The following SRGAP2C variants were observed in gnomAD, a reference collection of about 807,000 sequenced individuals.
SRGAP2C encodes SLIT-ROBO Rho GTPase-activating protein 2C.
Under a neutral mutation model 25.1 loss-of-function variants are expected in SRGAP2C, and 15 were observed. The observed-to-expected ratio is 0.60, with a 90% confidence interval of 0.40 to 0.92. The LOEUF (loss-of-function observed/expected upper bound fraction) is 0.92. Ranked by LOEUF, SRGAP2C falls within the 40% of genes least tolerant of loss-of-function variation. The pLI is 0.00. For missense variants in SRGAP2C, 144 were observed against 264.4 expected, an observed-to-expected ratio of 0.54 and a Z score of 3.16; for synonymous variants, 44 against 96.6, an observed-to-expected ratio of 0.46 and a Z score of 3.19.
At chr1:121,219,372 C>A (rs1243457794) in intron 2 of SRGAP2C, among the ~76,000 whole-genome samples, 1 of 85,514 alleles carries the variant, frequency 1.2e-5, no homozygotes, top group Non-Finnish European at 2.2e-5. Context: ...TATCTTAGCA[C>A]CTGTTATCAT....
At chr1:121,385,064 G>A (rs1378606906) in intron 8 of SRGAP2C, among the ~76,000 whole-genome samples, 3 of 151,632 alleles carry the variant, frequency 2.0e-5, no homozygotes, top group Non-Finnish European at 1.5e-5. Context: ...GTCATTCTTG[G>A]CCTCTGCAGC....
At chr1:121,272,548 G>C (rs1421072984) in intron 2 of SRGAP2C, among the ~76,000 whole-genome samples, 1 of 151,872 alleles carries the variant, frequency 6.6e-6, no homozygotes, top group East Asian at 1.9e-4. Context: ...TCAGAGTTAA[G>C]ACAGCGAGAA....
chr1:121,250,950 CT>C (rs1470665716), intron 2 of SRGAP2C, among the ~76,000 whole-genome samples: 1 of 144,632 alleles, frequency 6.9e-6, no homozygotes, highest in African/African-American at 2.6e-5. Flanking sequence ...AGTTGTGTTC[CT>C]TTCTGTATCT....
chr1:121,362,500 C>T (rs1191164622), intron 4 of SRGAP2C, among the ~76,000 whole-genome samples: 19 of 151,128 alleles, frequency 1.3e-4, no homozygotes, highest in Admixed American at 4.6e-4. Context: ...CTTTTCCCTC[C>T]TCTTCTTCCC....
chr1:121,191,776 T>G (rs1553319822), intron 2 of SRGAP2C, among the ~76,000 whole-genome samples: 1 of 150,340 alleles, frequency 6.7e-6, no homozygotes, highest in Non-Finnish European at 1.5e-5. Flanking sequence ...TTTTACAGTC[T>G]CCCAGAAAGC....
intron 2 of SRGAP2C, among the ~76,000 whole-genome samples, chr1:121,191,032 C>T (rs1250752258): frequency 6.6e-6 from 1 of 152,170 alleles, no homozygotes; most frequent in Non-Finnish European, 1.5e-5. Context: ...TTCTTAAAAA[C>T]CATCATTGTT....
rs587739681 is a variant in SRGAP2C, at chr1:121,392,190, G to A, written c.*4335G>A. ...ACAATGAGCAGAGACTAATGAATTT[G>A]TGGGACATCATCAAATAGACCAACA... is the stretch of plus-strand genomic sequence containing the variant. On this transcript the variant is annotated 3_prime_UTR_variant, in exon 10 of 10. Coordinates refer to ENST00000367123, the MANE Select transcript of SRGAP2C (RefSeq NM_001329984.2). The A allele has an allele frequency of 1.8e-4, 28 of 152,330 alleles. No individual in the cohort carries two copies. Among genetic ancestry groups the A allele is most frequent in the African/African-American group, 5.8e-4 (24 of 41,594 alleles). 9.4% of individuals were successfully genotyped at this position (152,330 alleles called of 1,614,324 possible). A position where few individuals can be genotyped will look rare whatever the true frequency, so the allele number is the denominator to read the frequency against.
rs1347820241 is a variant in SRGAP2C at position 121,273,879 on chromosome 1, C to T, written c.68-10924C>T. On this transcript the variant is annotated intron_variant, in intron 2 of 9. Coordinates refer to ENST00000367123, the MANE Select transcript of SRGAP2C (RefSeq NM_001329984.2). ...AAAGCCTGGGTGGGATTGAGAGTCA[C>T]GCAGCAGGGGTAGAAGGCAATGCAC... Among the ~76,000 whole-genome samples the T allele has an allele frequency of 1.4e-4, 22 of 151,848 alleles. 1 individual carries two copies. Among genetic ancestry groups the T allele is most frequent in the African/African-American group, 4.6e-4 (19 of 41,388 alleles).
chr1:121,284,180 CTTTTG>C (rs1657310331), intron 2 of SRGAP2C, among the ~76,000 whole-genome samples: 1 of 151,764 alleles, frequency 6.6e-6, no homozygotes, highest in South Asian at 2.1e-4. Context: ...TCTTGTGCTT[CTTTTG>C]TTTTGATTGC....
At chr1:121,338,663 T>G (rs1658576153) in intron 4 of SRGAP2C, among the ~76,000 whole-genome samples, 1 of 125,174 alleles carries the variant, frequency 8.0e-6, no homozygotes, top group African/African-American at 3.0e-5. Context: ...ATAGATTAAT[T>G]TGAATTCTTT....
chr1:121,286,692 C>T (rs1657376059), intron 3 of SRGAP2C, among the ~76,000 whole-genome samples: 1 of 152,186 alleles, frequency 6.6e-6, no homozygotes, highest in Non-Finnish European at 1.5e-5. Flanking sequence ...TTTGTGTGCA[C>T]ATTGACATTT....
intron 3 of SRGAP2C, among the ~76,000 whole-genome samples, chr1:121,286,393 G>T (rs1255539603): frequency 3.3e-5 from 5 of 150,696 alleles, no homozygotes; most frequent in Non-Finnish European, 5.9e-5. Flanking sequence ...TGGGACTGCA[G>T]GTGTGCACCA....
At position 121,294,634 on chromosome 1, in the gene SRGAP2C, G is replaced by T. The variant is rs1418630888; in HGVS notation, c.260+9639G>T. On this transcript the variant is annotated intron_variant, in intron 3 of 9. Coordinates refer to ENST00000367123, the MANE Select transcript of SRGAP2C (RefSeq NM_001329984.2). ...TAGACTTCCTGTAAATTACCTTTCA[G>T]TCATAGCTCACTTGGTTTTGATCTC... Among the ~76,000 whole-genome samples the T allele has an allele frequency of 2.2e-5, 2 of 91,680 alleles. 1 individual carries two copies. The highest frequency in any genetic ancestry group is 4.6e-5 in the Non-Finnish European group (2 of 43,196). The allele number at this position is 91,680 out of a possible 152,430, so 60.1% of individuals were successfully genotyped here. A position where few individuals can be genotyped will look rare whatever the true frequency, so the allele number is the denominator to read the frequency against.
chr1:121,305,207 T>C (rs1355269332), intron 3 of SRGAP2C, among the ~76,000 whole-genome samples: 49 of 151,470 alleles, frequency 3.2e-4, no homozygotes, highest in Admixed American at 1.3e-4. Flanking sequence ...GAATCCAGCA[T>C]CAGCATCAGC....
At chr1:121,331,912 C>T (rs1454925729) in intron 4 of SRGAP2C, among the ~76,000 whole-genome samples, 1 of 151,748 alleles carries the variant, frequency 6.6e-6, no homozygotes, top group Non-Finnish European at 1.5e-5. Flanking sequence ...TGCCTTGGGG[C>T]CAGGATGGGG....
intron 2 of SRGAP2C, among the ~76,000 whole-genome samples, chr1:121,222,782 C>T (rs1553325910): frequency 2.6e-5 from 4 of 152,092 alleles, no homozygotes; most frequent in Admixed American, 2.6e-4. Context: ...TTCATTTATG[C>T]AGACAGACTT....
chr1:121,316,928 A>G (rs1447332796), intron 3 of SRGAP2C, among the ~76,000 whole-genome samples: 1 of 151,374 alleles, frequency 6.6e-6, no homozygotes, highest in Non-Finnish European at 1.5e-5. Context: ...TAGTTCTGGG[A>G]ATGCTAGTGC....
At chr1:121,328,787 G>C (rs1217010010) in intron 4 of SRGAP2C, among the ~76,000 whole-genome samples, 3 of 146,368 alleles carry the variant, frequency 2.0e-5, no homozygotes, top group Non-Finnish European at 4.5e-5. Flanking sequence ...CCAGGAGGCT[G>C]AGACGGGAAG....
chr1:121,211,459 A>ATG (rs2101421422), intron 2 of SRGAP2C, among the ~76,000 whole-genome samples: 1 of 32,404 alleles, frequency 3.1e-5, no homozygotes, highest in African/African-American at 8.6e-5. Context: ...ACACACACAC[A>ATG]CATCTTACCT....
Sources: allele counts gnomAD v4.1 joint callset (sites outside exome capture counted in the v4.1 genomes callset), GRCh38; gene constraint gnomAD v4.1.1; transcripts MANE v1.5; gene names NCBI Gene and HGNC (gene_info 2026-07-23, HGNC 2026-07-21).